SLC22A8: variants seen among roughly 807,000 people sequenced by gnomAD.
The protein encoded by SLC22A8 is solute carrier family 22 member 8, also known as organic anion transporter 3.
In SLC22A8, 40 loss-of-function variants were observed where a neutral mutation model predicts 48.4. That is an observed-to-expected ratio of 0.83 (90% CI 0.64 to 1.08). The LOEUF is 1.08. Ranked by LOEUF, SLC22A8 falls within the 50% of genes least tolerant of loss-of-function variation. The pLI is 0.00. For synonymous variants in SLC22A8, 268 were observed against 286.3 expected (o/e 0.94, Z 0.65); for missense variants, 606 against 699.0 (o/e 0.87, Z 1.50).
At chr11:63,006,754 T>A (rs2086561345) in intron 2 of SLC22A8, among the ~76,000 whole-genome samples, 1 of 150,812 alleles carries the variant, frequency 6.6e-6, no homozygotes, top group South Asian at 2.1e-4. Context: ...ATTATAGGCA[T>A]GCGCCACCAT....
intron 3 of SLC22A8, among the ~76,000 whole-genome samples, chr11:63,000,377 G>A (rs534415226): frequency 2.6e-4 from 39 of 152,140 alleles, no homozygotes; most frequent in East Asian, 5.8e-4. Context: ...CCAGCTACTC[G>A]GGTGGCTGAG....
intron 3 of SLC22A8, 22 bp from the exon 4 acceptor site, chr11:62,999,864 G>A: frequency 6.8e-7 from 1 of 1,469,022 alleles, no homozygotes; most frequent in Non-Finnish European, 9.1e-7. Flanking sequence ...AGGAGAGGAG[G>A]GGCCAGGTTA....
chr11:62,997,317 C>T (rs3793960), intron 5 of SLC22A8, among the ~76,000 whole-genome samples: 16,260 of 152,170 alleles, frequency 0.11, 1,134 homozygotes, highest in East Asian at 0.2. Flanking sequence ...CTCCACCTCC[C>T]GGGTTCAAGT....
At chr11:63,009,010 A>C (rs1565301273) in intron 2 of SLC22A8, among the ~76,000 whole-genome samples, 2 of 151,948 alleles carry the variant, frequency 1.3e-5, no homozygotes, top group African/African-American at 4.8e-5. Flanking sequence ...TGCGCACATA[A>C]TCAGGGGCTT....
intron 8 of SLC22A8, chr11:62,994,316 A>G (rs1012100208): frequency 1.7e-6 from 1 of 583,332 alleles, no homozygotes; most frequent in Admixed American, 3.0e-5. Context: ...CACACTATCC[A>G]GATACCACCA....
intron 2 of SLC22A8, among the ~76,000 whole-genome samples, chr11:63,005,344 G>A (rs529613775): frequency 1.0e-3 from 156 of 152,268 alleles, no homozygotes; most frequent in African/African-American, 3.5e-3. Context: ...GTAGGTACTC[G>A]TGTTATTTCT....
At chr11:62,999,414 GAAT>G (rs994489469) in intron 4 of SLC22A8, 3 of 475,030 alleles carry the variant, frequency 6.3e-6, no homozygotes, top group African/African-American at 5.8e-5. Context: ...TGTAAAATGG[GAAT>G]AATAGTGTCA....
intron 2 of SLC22A8, among the ~76,000 whole-genome samples, chr11:63,007,977 A>T (rs2086574956): frequency 1.3e-5 from 2 of 152,220 alleles, no homozygotes; most frequent in Non-Finnish European, 2.9e-5. Flanking sequence ...GGCCCTGAGC[A>T]CAGCTCCTTG....
chr11:63,004,566 C>T (rs925002915), intron 2 of SLC22A8, among the ~76,000 whole-genome samples: 2 of 152,176 alleles, frequency 1.3e-5, no homozygotes, highest in African/African-American at 2.4e-5. Context: ...CTCAGTGAGA[C>T]CTCCCTATTT....
At chr11:62,997,298 C>T (rs2086433537) in intron 5 of SLC22A8, among the ~76,000 whole-genome samples, 1 of 152,148 alleles carries the variant, frequency 6.6e-6, no homozygotes, top group South Asian at 2.1e-4. Flanking sequence ...GATCTCTGCT[C>T]ACTGCAACCT....
chr11:62,993,228 C>T lies in SLC22A8; in HGVS notation c.*9G>A, dbSNP rs1019562903. 6.2e-7 allele frequency: 1 copy of T among 1,607,492 alleles called. No individual in the cohort carries two copies. The highest frequency in any genetic ancestry group is 8.5e-7 in the Non-Finnish European group (1 of 1,176,766). On this transcript the variant is annotated 3_prime_UTR_variant, in exon 11 of 11. Transcript: ENST00000336232. ...CTCTGGAGGGCAGGGAAAGGGGGTT[C>T]CGTTGTCCTCAGCTGGAGCCCAGGC... is the stretch of plus-strand genomic sequence containing the variant.
At chr11:63,007,083 A>G (rs1015953564) in intron 2 of SLC22A8, among the ~76,000 whole-genome samples, 17 of 152,232 alleles carry the variant, frequency 1.1e-4, no homozygotes, top group African/African-American at 4.1e-4. Context: ...ATTATTACTC[A>G]AAGTGTTGAG....
At chr11:63,012,972 C>T (rs1477192321) in intron 2 of SLC22A8, among the ~76,000 whole-genome samples, 2 of 152,110 alleles carry the variant, frequency 1.3e-5, no homozygotes, top group African/African-American at 2.4e-5. Context: ...CAGCAAATGT[C>T]ATGGTGTGGA....
chr11:62,999,526 G>T, intron 4 of SLC22A8, 162 bp downstream of exon 4: 1 of 531,868 alleles, frequency 1.9e-6, no homozygotes. Context: ...TATGCTTGTT[G>T]TCATTTTTAA....
intron 5 of SLC22A8, 65 bp from the exon 6 acceptor site, chr11:62,996,217 G>A (rs1171066427): frequency 3.3e-6 from 5 of 1,497,768 alleles, no homozygotes; most frequent in Non-Finnish European, 4.5e-6. Flanking sequence ...GAGGCTGGAA[G>A]AACATCAACA....
Position 62,993,156 on chromosome 11 carries a change from C to G in SLC22A8, c.*81G>C. On this transcript the variant is annotated 3_prime_UTR_variant, in exon 11 of 11. Coordinates refer to ENST00000336232, the MANE Select transcript of SLC22A8 (RefSeq NM_004254.4). ...AAGGCTTCATCCTAGGAGGATGGACCTATATGGGGCCTCCCTATACTCCTA... is the reference window on the plus strand; with the variant it reads ...AAGGCTTCATCCTAGGAGGATGGACGTATATGGGGCCTCCCTATACTCCTA... 3 of 1,021,748 alleles carry G rather than the reference C, an allele frequency of 2.9e-6. No individual in the cohort carries two copies. The highest frequency in any genetic ancestry group is 4.4e-6 in the Non-Finnish European group (3 of 689,556). 63.3% of individuals were successfully genotyped at this position (1,021,748 alleles called of 1,614,324 possible).
In SLC22A8 at chr11:62,995,771, A is replaced by C. The variant is rs960571626; in HGVS notation, c.934T>G (p.Tyr312Asp). 6.2e-6 allele frequency: 10 copies of C among 1,613,998 alleles called. No homozygotes were observed. Among genetic ancestry groups the C allele is most frequent in the Non-Finnish European group, 7.6e-6 (9 of 1,180,014 alleles). ...ATCCGGAACAGGTCACTTGCGGTGT[A>C]CTTGGCCTTGGCCAAGGAGATCTCC... ...QKEISLAKAK[Y>D]TASDLFRIPM... The change falls in exon 7 of 11, where the codon TAC becomes GAC. Residue 312 changes from tyrosine (Y) to aspartate (D), a missense_variant. Coordinates refer to ENST00000336232, the MANE Select transcript of SLC22A8 (RefSeq NM_004254.4).
Position 63,013,179 on chromosome 11 carries a change from A to G in SLC22A8, c.333+1447T>C, listed in dbSNP as rs151137043. On this transcript the variant is annotated intron_variant, in intron 2 of 10. Transcript: ENST00000336232. ...CTTAGAACAATGCCTACCACATAGT[A>G]AGCACTTTATATAAAAATATTTGTT... Among the ~76,000 whole-genome samples, 8 of 152,286 alleles carry G rather than the reference A, an allele frequency of 5.3e-5. No individual in the cohort carries two copies. In the East Asian group the frequency reaches 1.5e-3, roughly 29 times the overall value.
chr11:62,993,206 T>C lies in SLC22A8; in HGVS notation c.*31A>G. 6.4e-7 allele frequency: 1 copy of C among 1,560,722 alleles called. No homozygotes were observed. On this transcript the variant is annotated 3_prime_UTR_variant, in exon 11 of 11. Coordinates refer to ENST00000336232, the MANE Select transcript of SLC22A8 (RefSeq NM_004254.4). Reference sequence around the variant, plus strand: ...AAGGTGCCTGGCTAGGATCAGTCTCTGGAGGGCAGGGAAAGGGGGTTCCGT... The same window carrying C: ...AAGGTGCCTGGCTAGGATCAGTCTCCGGAGGGCAGGGAAAGGGGGTTCCGT...
Sources: allele counts gnomAD v4.1 joint callset (sites outside exome capture counted in the v4.1 genomes callset), GRCh38; gene constraint gnomAD v4.1.1; transcripts MANE v1.5; gene names NCBI Gene and HGNC (gene_info 2026-07-23, HGNC 2026-07-21).